SNTB2: variants seen among roughly 807,000 people sequenced by gnomAD.
SNTB2 encodes beta-2-syntrophin.
Under a neutral mutation model 46.2 loss-of-function variants are expected in SNTB2, and 34 were observed. That is an observed-to-expected ratio of 0.74 (90% CI 0.56 to 0.98). SNTB2 has a LOEUF of 0.98. Ranked by LOEUF, SNTB2 falls within the 50% of genes least tolerant of loss-of-function variation. The pLI is 0.00. For missense variants in SNTB2, 603 were observed against 731.4 expected, an observed-to-expected ratio of 0.82 and a Z score of 2.02; for synonymous variants, 290 against 312.6, an observed-to-expected ratio of 0.93 and a Z score of 0.76.
At chr16:69,260,650 A>G (rs1964826082) in intron 3 of SNTB2, among the ~76,000 whole-genome samples, 1 of 152,192 alleles carries the variant, frequency 6.6e-6, no homozygotes, top group Non-Finnish European at 1.5e-5. Context: ...GTCATAGGCA[A>G]TAGGAAAATG....
intron 1 of SNTB2, among the ~76,000 whole-genome samples, chr16:69,222,905 C>T (rs974757364): frequency 1.3e-5 from 2 of 151,500 alleles, no homozygotes; most frequent in Non-Finnish European, 2.9e-5. Flanking sequence ...CCTCAGCCTC[C>T]CGAGTAGCTG....
intron 1 of SNTB2, 76 bp from the exon 2 acceptor site, chr16:69,245,515 GATATAGCATGT>G (rs1236627934): frequency 7.7e-7 from 1 of 1,293,766 alleles, no homozygotes; most frequent in Non-Finnish European, 1.1e-6. Context: ...CTTTGTTATA[GATATAGCATGT>G]ATGTGAATAC....
At chr16:69,235,076 T>C (rs1964544868) in intron 1 of SNTB2, among the ~76,000 whole-genome samples, 1 of 151,958 alleles carries the variant, frequency 6.6e-6, no homozygotes, top group Non-Finnish European at 1.5e-5. Context: ...TGTGGTGCAA[T>C]TTTGGCTCAC....
At chr16:69,294,897 C>T (rs936069404) in intron 5 of SNTB2, among the ~76,000 whole-genome samples, 2 of 151,628 alleles carry the variant, frequency 1.3e-5, no homozygotes, top group African/African-American at 4.8e-5. Flanking sequence ...CAGCTCACTG[C>T]AACTTCTGCC....
Position 69,307,999 on chromosome 16 carries a change from C to T in SNTB2, c.*7075C>T, listed in dbSNP as rs560928122. On this transcript the variant is annotated 3_prime_UTR_variant, in exon 7 of 7. Transcript: ENST00000336278. ...TCTCTAGGGTTAGCTTTTCAGGCAA[C>T]ATCCTTGGTCATTGCCCAGAAAGTA... 1 of 152,392 alleles carries T rather than the reference C, an allele frequency of 6.6e-6. No homozygotes were observed. Among genetic ancestry groups the T allele is most frequent in the South Asian group, 2.1e-4 (1 of 4,830 alleles). The allele number at this position is 152,392 out of a possible 1,614,324, so 9.4% of individuals were successfully genotyped here.
At chr16:69,230,530 T>A (rs1021323807) in intron 1 of SNTB2, 2 of 151,512 alleles carry the variant, frequency 1.3e-5, no homozygotes, top group African/African-American at 4.9e-5. Flanking sequence ...CCTGGCTAAG[T>A]TTTTGTATTT....
intron 2 of SNTB2, among the ~76,000 whole-genome samples, chr16:69,253,356 A>T (rs971657799): frequency 6.6e-6 from 1 of 151,970 alleles, no homozygotes; most frequent in African/African-American, 2.4e-5. Context: ...TTTCATAAAA[A>T]ACTGGTTAAC....
In SNTB2 at chr16:69,307,706, A is replaced by AT. The variant is rs1965326304; in HGVS notation, c.*6782_*6783insT. ...AAGATATTTAAAAATTAACAAAATC[A>AT]GGCCAAGGCAGGAGGATCACTTTAG... On this transcript the variant is annotated 3_prime_UTR_variant, in exon 7 of 7. Transcript: ENST00000336278. 1 of 152,078 alleles carries AT rather than the reference A, an allele frequency of 6.6e-6. No homozygotes were observed. The highest frequency in any genetic ancestry group is 2.4e-5 in the African/African-American group (1 of 41,416). 9.4% of individuals were successfully genotyped at this position (152,078 alleles called of 1,614,324 possible). A position where few individuals can be genotyped will look rare whatever the true frequency, so the allele number is the denominator to read the frequency against.
intron 1 of SNTB2, chr16:69,235,647 GAAAAC>G (rs761052714): frequency 7.5e-6 from 9 of 1,205,180 alleles, no homozygotes; most frequent in South Asian, 3.0e-5. Context: ...CAGAAAGAAA[GAAAAC>G]AAAACAAAAA....
At chr16:69,193,842 G>A (rs897583681) in intron 1 of SNTB2, among the ~76,000 whole-genome samples, 8 of 152,174 alleles carry the variant, frequency 5.3e-5, no homozygotes, top group Non-Finnish European at 1.0e-4. Flanking sequence ...ACCCAAGGCA[G>A]TGCTGAGGAC....
chr16:69,260,345 C>G (rs941443200), intron 3 of SNTB2, 85 bp downstream of exon 3: 68 of 1,261,768 alleles, frequency 5.4e-5, no homozygotes, highest in Admixed American at 8.0e-5. Context: ...GTAATACTTA[C>G]CATGCAGTTA....
chr16:69,215,574 T>C (rs1392442510), intron 1 of SNTB2, among the ~76,000 whole-genome samples: 1 of 152,174 alleles, frequency 6.6e-6, no homozygotes, highest in East Asian at 1.9e-4. Context: ...ATTAGAGCAC[T>C]GGGGCGTTTT....
chr16:69,251,017 C>T (rs112451662), intron 2 of SNTB2, among the ~76,000 whole-genome samples: 7,168 of 140,892 alleles, frequency 0.051, 251 homozygotes, highest in Non-Finnish European at 0.071. Flanking sequence ...CTCGCTCTGT[C>T]GCCCAGGCTG....
At chr16:69,206,775 T>C (rs925671932) in intron 1 of SNTB2, among the ~76,000 whole-genome samples, 3 of 151,720 alleles carry the variant, frequency 2.0e-5, no homozygotes, top group African/African-American at 7.3e-5. Context: ...TATATACTTA[T>C]TTTTTTTGAG....
chr16:69,276,096 A>G (rs982895252), intron 4 of SNTB2, among the ~76,000 whole-genome samples: 1 of 152,318 alleles, frequency 6.6e-6, no homozygotes, highest in East Asian at 1.9e-4. Context: ...AGCCAGATAC[A>G]TGACACAGGT....
intron 4 of SNTB2, among the ~76,000 whole-genome samples, chr16:69,280,722 T>C (rs1215431868): frequency 6.6e-6 from 1 of 152,158 alleles, no homozygotes; most frequent in South Asian, 2.1e-4. Flanking sequence ...AAGAGTTCTT[T>C]ATATATTTTG....
intron 1 of SNTB2, among the ~76,000 whole-genome samples, chr16:69,195,948 A>G (rs1964101360): frequency 6.6e-6 from 1 of 152,186 alleles, no homozygotes; most frequent in Non-Finnish European, 1.5e-5. Context: ...TATAGGGCTT[A>G]AAATAATTTT....
intron 1 of SNTB2, among the ~76,000 whole-genome samples, chr16:69,244,591 T>TA (rs2152296816): frequency 6.6e-6 from 1 of 152,320 alleles, no homozygotes; most frequent in African/African-American, 2.4e-5. Context: ...ATGACTGAAG[T>TA]AAAACAAGTA....
chr16:69,190,446 C>T (rs1039168379), intron 1 of SNTB2, among the ~76,000 whole-genome samples: 6 of 152,106 alleles, frequency 3.9e-5, no homozygotes, highest in Admixed American at 6.5e-5. Flanking sequence ...TAACTCATGC[C>T]AGAGGCACTT....
Sources: allele counts gnomAD v4.1 joint callset (sites outside exome capture counted in the v4.1 genomes callset), GRCh38; gene constraint gnomAD v4.1.1; transcripts MANE v1.5; gene names NCBI Gene and HGNC (gene_info 2026-07-23, HGNC 2026-07-21).